MLXIPL: variants seen among roughly 807,000 people sequenced by gnomAD.
The protein encoded by MLXIPL is carbohydrate-responsive element-binding protein.
A neutral mutation model predicts 81.5 loss-of-function variants in MLXIPL; 49 were observed. The ratio of observed to expected loss-of-function variants is 0.60; its 90% CI spans 0.48 to 0.76. The LOEUF (loss-of-function observed/expected upper bound fraction) is 0.76. Ranked by LOEUF, MLXIPL falls within the 30% of genes least tolerant of loss-of-function variation. The pLI is 0.00. For missense variants in MLXIPL, 1,053 were observed against 1,167.0 expected (o/e 0.90, Z 1.42); for synonymous variants, 466 against 485.5 (o/e 0.96, Z 0.53).
At chr7:73,614,818 T>TTTG in intron 2 of MLXIPL, among the ~76,000 whole-genome samples, 1 of 149,972 alleles carries the variant, frequency 6.7e-6, no homozygotes, top group African/African-American at 2.5e-5. Context: ...CCTTTTTTTT[T>TTTG]TTTTTTTTTT....
chr7:73,609,554 TTGTGTG>T (rs34460340), intron 2 of MLXIPL: 2,841 of 145,596 alleles, frequency 0.02, 86 homozygotes, highest in African/African-American at 0.065. Context: ...CCTGGCCGCT[TTGTGTG>T]TGTGTGTGTG....
the MLXIPL span, among the ~76,000 whole-genome samples, chr7:73,629,605 G>A: frequency 1.3e-5 from 2 of 152,090 alleles, no homozygotes; most frequent in African/African-American, 4.8e-5. Flanking sequence ...TGGTCTTGTA[G>A]TTCCAGCTAC....
chr7:73,619,279 C>T (rs945069386), intron 1 of MLXIPL, among the ~76,000 whole-genome samples: 2 of 151,154 alleles, frequency 1.3e-5, no homozygotes, highest in Non-Finnish European at 3.0e-5. Context: ...TGGCTAACAA[C>T]GTGAAACCCC....
intron 7 of MLXIPL, among the ~76,000 whole-genome samples, chr7:73,600,273 T>C (rs2116251529): frequency 7.0e-6 from 1 of 142,394 alleles, no homozygotes; most frequent in South Asian, 2.2e-4. Context: ...GAGAGGGGCC[T>C]AAGGCTGGGC....
chr7:73,607,180 C>T (rs1554598459), intron 4 of MLXIPL, 151 bp downstream of exon 4: 2 of 1,250,200 alleles, frequency 1.6e-6, no homozygotes, highest in Non-Finnish European at 2.3e-6. Flanking sequence ...TGTGGCCACA[C>T]GGTGGCGCTG....
chr7:73,619,017 C>T (rs868912985), intron 1 of MLXIPL, among the ~76,000 whole-genome samples: 3 of 152,054 alleles, frequency 2.0e-5, no homozygotes, highest in African/African-American at 7.2e-5. Context: ...AAGAGCGTAA[C>T]GCTAGGGTTC....
At chr7:73,614,809 C>T (rs78019924) in intron 2 of MLXIPL, among the ~76,000 whole-genome samples, 3,275 of 106,204 alleles carry the variant, frequency 0.031, 172 homozygotes, top group African/African-American at 0.11. Context: ...TTGTTTTGCC[C>T]TTTTTTTTTT....
At chr7:73,607,853 C>CTTT (rs1166806013) in intron 2 of MLXIPL, among the ~76,000 whole-genome samples, 181 bp from the exon 3 acceptor site, 10 of 110,358 alleles carry the variant, frequency 9.1e-5, no homozygotes, top group African/African-American at 1.9e-4. Flanking sequence ...CTAGATCTTC[C>CTTT]TTTTTTTTTT....
At chr7:73,634,176 G>A in the MLXIPL span, among the ~76,000 whole-genome samples, 3 of 152,034 alleles carry the variant, frequency 2.0e-5, no homozygotes, top group African/African-American at 7.2e-5. Flanking sequence ...TGACTATATC[G>A]AAGTGAAGAA....
At chr7:73,635,984 C>A in the MLXIPL span, among the ~76,000 whole-genome samples, 1 of 152,166 alleles carries the variant, frequency 6.6e-6, no homozygotes, top group Non-Finnish European at 1.5e-5. Context: ...GTGAGGCATG[C>A]CCTCCAGCAA....
upstream of MLXIPL, chr7:73,624,667 C>G: frequency 7.9e-7 from 1 of 1,270,930 alleles, no homozygotes; most frequent in Non-Finnish European, 1.0e-6. Context: ...GGTGAGAACC[C>G]GGTGCTCTGG....
intron 15 of MLXIPL, among the ~76,000 whole-genome samples, chr7:73,595,220 C>T (rs541570792): frequency 1.1e-4 from 16 of 152,262 alleles, no homozygotes; most frequent in Admixed American, 2.6e-4. Context: ...TGCCCCTCCA[C>T]GGCCCTTACT....
intron 7 of MLXIPL, among the ~76,000 whole-genome samples, chr7:73,600,194 G>A (rs1794672908): frequency 6.6e-6 from 1 of 151,514 alleles, no homozygotes; most frequent in East Asian, 2.0e-4. Context: ...CACTGGGTCC[G>A]GGACAAGCTT....
chr7:73,599,017 G>A (rs941606346), intron 8 of MLXIPL, among the ~76,000 whole-genome samples: 14 of 151,008 alleles, frequency 9.3e-5, no homozygotes, highest in East Asian at 2.0e-4. Flanking sequence ...ACAGTGAGCC[G>A]AGATCATGCC....
chr7:73,625,949 A>G (rs1425019977), upstream of MLXIPL, among the ~76,000 whole-genome samples: 1 of 152,090 alleles, frequency 6.6e-6, no homozygotes, highest in African/African-American at 2.4e-5. Flanking sequence ...TCTCACTGAC[A>G]CTGAGGTCCA....
chr7:73,596,654 G>T lies in MLXIPL; in HGVS notation c.1807C>A (p.Pro603Thr), dbSNP rs1554594045. The change falls in exon 11 of 17, where the codon CCC becomes ACC. Residue 603 changes from proline (P) to threonine (T), a missense_variant. Around this residue, in one of 3 missense-constraint regions of MLXIPL, gnomAD observed 823 missense variants for 933.0 expected, o/e 0.88. Transcript: ENST00000313375. This position sits in a 1 kb window ranked among gnomAD's most constrained non-coding sequence, Gnocchi z 4.7. ...CTCTCTTTACCGCTGGGCGCTGGGG[G>T]TGAGAGCCGCTCCGCTTTGGGGACA... Reference protein sequence around the residue: ...LLVPKAERLSPPAPSGSERRL... With the variant: ...LLVPKAERLSTPAPSGSERRL... The T allele has an allele frequency of 1.9e-6, 3 of 1,595,110 alleles. No individual in the cohort carries two copies. The highest frequency in any genetic ancestry group is 1.7e-5 in the Admixed American group (1 of 58,292).
chr7:73,640,264 G>C, the MLXIPL span, among the ~76,000 whole-genome samples: 1 of 151,158 alleles, frequency 6.6e-6, no homozygotes, highest in Non-Finnish European at 1.5e-5. Flanking sequence ...AATTAGCCAG[G>C]TGTGGTAGCA....
At chr7:73,606,629 T>C in intron 5 of MLXIPL, 1 of 341,018 alleles carries the variant, frequency 2.9e-6, no homozygotes, top group South Asian at 2.7e-5. Flanking sequence ...TTTCACCATG[T>C]TGGCCAGGCT....
chr7:73,597,142 T>G, intron 9 of MLXIPL, 40 bp downstream of exon 9: 2 of 1,338,376 alleles, frequency 1.5e-6, no homozygotes, highest in Non-Finnish European at 1.1e-6. Context: ...CCCCCTGGCC[T>G]CCCTCCCCAG....
Sources: allele counts gnomAD v4.1 joint callset (sites outside exome capture counted in the v4.1 genomes callset), GRCh38; gene constraint gnomAD v4.1.1; regional missense constraint gnomAD v4.1.1; non-coding constraint Gnocchi (gnomAD v3.1); transcripts MANE v1.5; gene names NCBI Gene and HGNC (gene_info 2026-07-23, HGNC 2026-07-21).